The following HAL variants were observed in gnomAD, a reference collection of about 807,000 sequenced individuals.
HAL encodes histidase.
A neutral mutation model predicts 81.1 loss-of-function variants in HAL; 85 were observed. The observed-to-expected ratio is 1.05, with a 90% CI of 0.88 to 1.25. The LOEUF (loss-of-function observed/expected upper bound fraction) is 1.25, where lower values mean the gene tolerates loss of function less well. HAL is among the 50% of genes most tolerant of loss of function. The probability of loss-of-function intolerance (pLI) is 0.00; values close to 1 mark genes in which losing one functional copy is unlikely to be tolerated. For synonymous variants in HAL, 301 were observed against 309.2 expected (o/e 0.97, Z 0.28); for missense variants, 798 against 836.6 (o/e 0.95, Z 0.57).
Position 95,980,846 on chromosome 12 carries a change from C to T in HAL, c.1305G>A (p.Arg435=), listed in dbSNP as rs754198163. The change falls in exon 16 of 21, where the codon AGG becomes AGA. Residue 435 remains arginine, a synonymous_variant. Coordinates refer to ENST00000261208, the MANE Select transcript of HAL (RefSeq NM_002108.4). ...ATDNPMVFAN[R]GETVSGGNFH... is the part of the protein sequence containing the mutation. ...AGTTTCCTCCAGAAACTGTCTCTCC[C>T]CTATTGGCAAAGACCATCTTTCAAA... 5 of 1,580,088 alleles carry T rather than the reference C, an allele frequency of 3.2e-6. No homozygotes were observed. Among genetic ancestry groups the T allele is most frequent in the Non-Finnish European group, 4.3e-6 (5 of 1,149,620 alleles).
chr12:95,980,431 A>G (rs2080776191), intron 17 of HAL, 125 bp downstream of exon 17: 1 of 871,968 alleles, frequency 1.1e-6, no homozygotes, highest in Non-Finnish European at 1.9e-6. Context: ...TGAGAGAACT[A>G]GGATGCAGAT....
At chr12:95,981,026 C>CA (rs1023735516) in intron 15 of HAL, among the ~76,000 whole-genome samples, 163 bp from the exon 16 acceptor site, 22 of 151,660 alleles carry the variant, frequency 1.5e-4, no homozygotes, top group African/African-American at 4.8e-4. Flanking sequence ...GGCACAAAAG[C>CA]AAAAAACAAA....
In HAL at chr12:95,985,048, A is replaced by C. The variant is rs1163373529; in HGVS notation, c.1206+860T>G. ...CAGATGCCTAATGCCAACCCAGGTC[A>C]TCTGCATTTTTAATTTAAAGTTAAG... On this transcript the variant is annotated intron_variant, in intron 14 of 20. Transcript: ENST00000261208. Among the ~76,000 whole-genome samples the C allele has an allele frequency of 3.3e-5, 5 of 152,330 alleles. No homozygotes were observed. The South Asian group carries it at 1.0e-3, about 32-fold the overall frequency.
chr12:95,994,260 G>T (rs752243797), intron 4 of HAL, 96 bp from the exon 5 acceptor site: 5 of 840,860 alleles, frequency 5.9e-6, no homozygotes, highest in Non-Finnish European at 1.1e-5. Context: ...ACATTTCAGA[G>T]ATCTGATCAT....
At chr12:95,980,990 A>G in intron 15 of HAL, 127 bp from the exon 16 acceptor site, 1 of 746,114 alleles carries the variant, frequency 1.3e-6, no homozygotes, top group Non-Finnish European at 2.5e-6. Flanking sequence ...GGAAAGAGAC[A>G]AGTCTTCCTG....
rs2080724630 is a variant in HAL at position 95,976,698 on chromosome 12, T to C, written c.1663A>G (p.Ile555Val). Residue 555 changes from isoleucine to valine, a missense_variant, in exon 19 of 21, where the codon ATC becomes GTC. Ile to Val is a conservative substitution (Grantham distance 29, BLOSUM62 3). Transcript: ENST00000261208. ...CCCTGGCAGGCTGCAAGGAGCTCGA[T>C]GGCCAGCACTGAAACAAGAAATTCC... ...VIEHVEQVLA[I>V]ELLAACQGIE... The C allele has an allele frequency of 2.5e-6, 4 of 1,601,236 alleles. No individual in the cohort carries two copies. Among genetic ancestry groups the C allele is most frequent in the South Asian group, 1.1e-5 (1 of 90,844 alleles).
chr12:95,985,885 C>CTTTT, intron 14 of HAL, 23 bp downstream of exon 14: 1 of 1,224,574 alleles, frequency 8.2e-7, no homozygotes, highest in Non-Finnish European at 1.1e-6. Flanking sequence ...TTTTATTGAC[C>CTTTT]TTTTTTTTTT....
At position 95,993,976 on chromosome 12, in the gene HAL, C is replaced by A; in HGVS notation, c.434G>T (p.Arg145Met). 1 of 1,612,014 alleles carries A rather than the reference C, an allele frequency of 6.2e-7. No homozygotes were observed. Among genetic ancestry groups the A allele is most frequent in the South Asian group, 1.1e-5 (1 of 91,030 alleles). Residue 145 changes from arginine to methionine, a missense_variant, in exon 6 of 21, where the codon AGG becomes ATG. Arg to Met is a moderately conservative substitution (Grantham distance 91). Coordinates refer to ENST00000261208, the MANE Select transcript of HAL (RefSeq NM_002108.4). Reference protein sequence around the residue: ...KIKLTPTAEKRVQKSREVIDS... With the variant: ...KIKLTPTAEKMVQKSREVIDS... Reference sequence around the variant, plus strand: ...TATGACCTCCCTGGATTTCTGCACCCTCTTCTCAGCTGTTGGGGTGAGCTA... The same window carrying A: ...TATGACCTCCCTGGATTTCTGCACCATCTTCTCAGCTGTTGGGGTGAGCTA...
intron 11 of HAL, among the ~76,000 whole-genome samples, chr12:95,987,753 G>A (rs896654288): frequency 4.6e-5 from 7 of 152,232 alleles, no homozygotes; most frequent in African/African-American, 1.7e-4. Context: ...GTGTTGCTCA[G>A]GCTGGTGTGC....
chr12:95,990,424 G>A lies in HAL; in HGVS notation c.824C>T (p.Ser275Phe). ...LGLVGEGKMW[S>F]PKSGWADAKY... ...AGCATCAGCCCAGCCACTCTTCGGA[G>A]ACCACATCTTCCCTTCTCCAACTAG... The change falls in exon 10 of 21, where the codon TCT becomes TTT. Residue 275 changes from serine to phenylalanine, a missense_variant. Transcript: ENST00000261208. The A allele has an allele frequency of 6.2e-7, 1 of 1,613,356 alleles. No individual in the cohort carries two copies. The highest frequency in any genetic ancestry group is 8.5e-7 in the Non-Finnish European group (1 of 1,179,258).
chr12:95,995,289 G>A (rs1950020493), intron 2 of HAL: 6 of 567,506 alleles, frequency 1.1e-5, no homozygotes, highest in East Asian at 3.1e-5. Flanking sequence ...CTATGCTGCC[G>A]GCCTCCAGTC....
chr12:95,996,138 A>G lies in HAL; in HGVS notation c.-142T>C. The G allele has an allele frequency of 1.8e-6, 1 of 556,348 alleles. No homozygotes were observed. Among genetic ancestry groups the G allele is most frequent in the Non-Finnish European group, 3.3e-6 (1 of 303,834 alleles). 34.5% of individuals were successfully genotyped at this position (556,348 alleles called of 1,614,324 possible). A position where few individuals can be genotyped will look rare whatever the true frequency, so the allele number is the denominator to read the frequency against. ...CAGGAGCAGGGGATGCAGACGGGTG[A>G]GCCTCCTGTCCACTTTCCATCCAGA... On this transcript the variant is annotated 5_prime_UTR_variant, in exon 1 of 21. Coordinates refer to ENST00000261208, the MANE Select transcript of HAL (RefSeq NM_002108.4).
At chr12:95,988,137 T>C in intron 11 of HAL, 56 bp downstream of exon 11, 1 of 858,860 alleles carries the variant, frequency 1.2e-6, no homozygotes, top group Non-Finnish European at 2.0e-6. Flanking sequence ...AAACTGAAAA[T>C]ACTGCATAAA....
At position 95,996,153 on chromosome 12, in the gene HAL, T is replaced by C; in HGVS notation, c.-157A>G. 1.9e-6 allele frequency: 1 copy of C among 522,200 alleles called. No homozygotes were observed. The highest frequency in any genetic ancestry group is 2.0e-5 in the South Asian group (1 of 51,264). 32.3% of individuals were successfully genotyped at this position (522,200 alleles called of 1,614,324 possible). A position where few individuals can be genotyped will look rare whatever the true frequency, so the allele number is the denominator to read the frequency against. On this transcript the variant is annotated 5_prime_UTR_variant, in exon 1 of 21. Transcript: ENST00000261208. ...CAGACGGGTGAGCCTCCTGTCCACT[T>C]TCCATCCAGACCTGCTGCCAGAAAG...
In HAL at chr12:95,990,397, T is replaced by A. The variant is rs760988714; in HGVS notation, c.851A>T (p.Lys284Ile). 6.2e-7 allele frequency: 1 copy of A among 1,613,092 alleles called. No individual in the cohort carries two copies. Among genetic ancestry groups the A allele is most frequent in the East Asian group, 2.2e-5 (1 of 44,882 alleles). The stretch of plus-strand genomic sequence containing the variant: ...AGAAGCTGCTACGAGTCTTACGTAT[T>A]TAGCATCAGCCCAGCCACTCTTCGG... ...WSPKSGWADA[K>I]YVLEAHGLKP... The change falls in exon 10 of 21, where the codon AAA becomes ATA. Residue 284 changes from lysine (K) to isoleucine (I), a missense_variant. Coordinates refer to ENST00000261208, the MANE Select transcript of HAL (RefSeq NM_002108.4).
chr12:95,986,923 A>G (rs1447812406), intron 12 of HAL, 144 bp downstream of exon 12: 1 of 726,804 alleles, frequency 1.4e-6, no homozygotes, highest in Non-Finnish European at 2.5e-6. Context: ...ATGAAGAGGC[A>G]GCACACTGGG....
At chr12:95,974,710 T>A (rs2080695161) in intron 20 of HAL, among the ~76,000 whole-genome samples, 1 of 151,888 alleles carries the variant, frequency 6.6e-6, no homozygotes. Context: ...GTCTTAACAG[T>A]ACCTATGTGG....
chr12:95,988,172 A>T (rs1214212273), intron 11 of HAL, 21 bp downstream of exon 11: 6 of 1,241,016 alleles, frequency 4.8e-6, no homozygotes, highest in Non-Finnish European at 4.8e-6. Flanking sequence ...CTATGAACAT[A>T]TTTTTCTTGA....
intron 4 of HAL, 143 bp from the exon 5 acceptor site, chr12:95,994,307 T>C (rs1950006950): frequency 1.3e-6 from 1 of 761,952 alleles, no homozygotes; most frequent in African/African-American, 1.7e-5. Flanking sequence ...AAAATGCATC[T>C]TGCATAAGAG....
Sources: gnomAD v4.1 joint callset for allele counts (sites outside exome capture counted in the v4.1 genomes callset) on GRCh38, gnomAD v4.1.1 for gene constraint, MANE v1.5 for transcripts, NCBI Gene and HGNC (gene_info 2026-07-23, HGNC 2026-07-21) for gene names.